NAA30: variants seen among roughly 807,000 people sequenced by gnomAD.
The protein encoded by NAA30 is N-alpha-acetyltransferase 30, NatC catalytic subunit.
In NAA30, 5 loss-of-function variants were observed where a neutral mutation model predicts 31.4. The ratio of observed to expected loss-of-function variants is 0.16; its 90% CI spans 0.08 to 0.33. The LOEUF (loss-of-function observed/expected upper bound fraction) is 0.33, where lower values mean the gene tolerates loss of function less well. Among genes scored for constraint, NAA30 ranks in the 10% least tolerant of loss-of-function variants. The pLI is 1.00. For missense variants in NAA30, 428 were observed against 490.8 expected (o/e 0.87, Z 1.21); for synonymous variants, 222 against 207.1 (o/e 1.07, Z -0.62).
intron 4 of NAA30, among the ~76,000 whole-genome samples, chr14:57,405,493 A>T (rs1171041913): frequency 6.6e-6 from 1 of 152,024 alleles, no homozygotes; most frequent in Non-Finnish European, 1.5e-5. Flanking sequence ...CTGCAAGGTA[A>T]AGAACAGAAT....
chr14:57,408,657 T>C (rs1423070002), intron 4 of NAA30, among the ~76,000 whole-genome samples: 1 of 152,206 alleles, frequency 6.6e-6, no homozygotes, highest in Non-Finnish European at 1.5e-5. Context: ...TTCAGGTGAT[T>C]ATGATACACT....
chr14:57,400,571 TGTACTA>T lies in NAA30; in HGVS notation c.951+694_951+699del, dbSNP rs557124598. ...AGTGGTGACTAAGGAGGAGCAAAGT[TGTACTA>T]GTACTTTTATGAGTAATAGAAGTAG... is the stretch of plus-strand genomic sequence containing the variant. On this transcript the variant is annotated intron_variant, in intron 4 of 4. Transcript: ENST00000556492. 3.1e-3 allele frequency among the ~76,000 whole-genome samples: 470 copies of T among 152,342 alleles called. 1 individual carries two copies. Among genetic ancestry groups the T allele is most frequent in the Non-Finnish European group, 5.1e-3 (350 of 68,028 alleles).
At position 57,412,262 on chromosome 14, in the gene NAA30, C is replaced by G. The variant is rs1383440604; in HGVS notation, c.*2746C>G. ...AAATCGATTTTAATATTTTCTGCCT[C>G]TTTCCCAAATTACCCTTCCCACTTG... On this transcript the variant is annotated 3_prime_UTR_variant, in exon 5 of 5. Transcript: ENST00000556492. 6.6e-6 allele frequency: 1 copy of G among 152,182 alleles called. No homozygotes were observed. Among genetic ancestry groups the G allele is most frequent in the Non-Finnish European group, 1.5e-5 (1 of 68,026 alleles). The allele number at this position is 152,182 out of a possible 1,614,324, so 9.4% of individuals were successfully genotyped here.
rs781011816 is a variant in NAA30 at position 57,411,108 on chromosome 14, T to G, written c.*1592T>G. 1.3e-5 allele frequency: 2 copies of G among 152,350 alleles called. No individual in the cohort carries two copies. The highest frequency in any genetic ancestry group is 2.9e-5 in the Non-Finnish European group (2 of 67,920). 9.4% of individuals were successfully genotyped at this position (152,350 alleles called of 1,614,324 possible). A position where few individuals can be genotyped will look rare whatever the true frequency, so the allele number is the denominator to read the frequency against. ...AGCTGCTCTTTGCTCAGTATAGTGTTTTGAAAGTGAACATAGTAACAAATA... is the reference window on the plus strand; with the variant it reads ...AGCTGCTCTTTGCTCAGTATAGTGTGTTGAAAGTGAACATAGTAACAAATA... On this transcript the variant is annotated 3_prime_UTR_variant, in exon 5 of 5. Coordinates refer to ENST00000556492, the MANE Select transcript of NAA30 (RefSeq NM_001011713.3).
At chr14:57,399,596 G>A (rs755635162) in intron 3 of NAA30, among the ~76,000 whole-genome samples, 16 of 152,188 alleles carry the variant, frequency 1.1e-4, no homozygotes, top group Non-Finnish European at 2.2e-4. Flanking sequence ...CTGAGAAAAA[G>A]GAGTATATTG....
chr14:57,391,579 G>C lies in NAA30; in HGVS notation c.622G>C (p.Gly208Arg), dbSNP rs751328249. The C allele has an allele frequency of 1.2e-6, 2 of 1,614,224 alleles. No individual in the cohort carries two copies. Among genetic ancestry groups the C allele is most frequent in the Non-Finnish European group, 1.7e-6 (2 of 1,180,044 alleles). ...RSPSGREVEP[G>R]EDRTIRYVRY... is the part of the protein sequence containing the mutation. ...CCCTTCGGGCAGGGAGGTTGAGCCTGGGGAGGATCGGACGATACGATATGT... is the reference window on the plus strand; with the variant it reads ...CCCTTCGGGCAGGGAGGTTGAGCCTCGGGAGGATCGGACGATACGATATGT... The change falls in exon 2 of 5, where the codon GGG becomes CGG. Residue 208 changes from glycine (G) to arginine (R), a missense_variant. Transcript: ENST00000556492. This position sits in a 1 kb window ranked among gnomAD's most constrained non-coding sequence, Gnocchi z 4.1.
In NAA30 at chr14:57,396,805, C is replaced by T. The variant is rs2066452743; in HGVS notation, c.825C>T (p.His275=). The change falls in exon 3 of 5, where the codon CAC becomes CAT. Residue 275 remains histidine, a synonymous_variant. Coordinates refer to ENST00000556492, the MANE Select transcript of NAA30 (RefSeq NM_001011713.3). ...VGAIVCKLDM[H]KKMFRRGYIA... ...CCATCGTTTGCAAGTTGGATATGCA[C>T]AAAAAGATGTTCCGCAGAGGTTATA... 9 of 1,613,738 alleles carry T rather than the reference C, an allele frequency of 5.6e-6. No homozygotes were observed. Among genetic ancestry groups the T allele is most frequent in the Non-Finnish European group, 6.8e-6 (8 of 1,179,848 alleles).
chr14:57,403,930 G>C (rs957156398), intron 4 of NAA30, among the ~76,000 whole-genome samples: 2 of 152,136 alleles, frequency 1.3e-5, no homozygotes, highest in Non-Finnish European at 2.9e-5. Flanking sequence ...ATGATGAATA[G>C]TGCCTCGATT....
At chr14:57,405,055 A>T (rs1470434644) in intron 4 of NAA30, among the ~76,000 whole-genome samples, 1 of 152,324 alleles carries the variant, frequency 6.6e-6, no homozygotes, top group African/African-American at 2.4e-5. Flanking sequence ...ACAATCTGCT[A>T]TTCAAACCCA....
At position 57,396,988 on chromosome 14, in the gene NAA30, G is replaced by GA. The variant is rs530581985; in HGVS notation, c.895+117dup. On this transcript the variant is annotated intron_variant, in intron 3 of 4. Coordinates refer to ENST00000556492, the MANE Select transcript of NAA30 (RefSeq NM_001011713.3). Reference sequence around the variant, plus strand: ...GTAGAAATGAAAGAAACTAAGGGAAGAAAATTAAGGCGGGTTTTAATTTTT... The same window carrying GA: ...GTAGAAATGAAAGAAACTAAGGGAAGAAAAATTAAGGCGGGTTTTAATTTTT... 1.7e-5 allele frequency: 17 copies of GA among 975,366 alleles called. No individual in the cohort carries two copies. The East Asian group carries it at 3.7e-4, about 21-fold the overall frequency. 60.4% of individuals were successfully genotyped at this position (975,366 alleles called of 1,614,324 possible). A position where few individuals can be genotyped will look rare whatever the true frequency, so the allele number is the denominator to read the frequency against.
chr14:57,406,884 A>T (rs2066500353), intron 4 of NAA30, among the ~76,000 whole-genome samples: 1 of 152,092 alleles, frequency 6.6e-6, no homozygotes, highest in Non-Finnish European at 1.5e-5. Flanking sequence ...CTGTGTGTGT[A>T]TGTGTGAGTA....
Position 57,410,539 on chromosome 14 carries a change from T to G in NAA30, c.*1023T>G, listed in dbSNP as rs144596253. The G allele has an allele frequency of 6.6e-6, 1 of 152,560 alleles. No homozygotes were observed. The highest frequency in any genetic ancestry group is 1.5e-5 in the Non-Finnish European group (1 of 68,012). The allele number at this position is 152,560 out of a possible 1,614,324, so 9.5% of individuals were successfully genotyped here. A position where few individuals can be genotyped will look rare whatever the true frequency, so the allele number is the denominator to read the frequency against. ...TTTTCCCACTTGATTTGGATTCACA[T>G]TGCTTTCATTTCTTAAAATGCTTCA... On this transcript the variant is annotated 3_prime_UTR_variant, in exon 5 of 5. Coordinates refer to ENST00000556492, the MANE Select transcript of NAA30 (RefSeq NM_001011713.3).
At chr14:57,404,879 A>G (rs1313799998) in intron 4 of NAA30, among the ~76,000 whole-genome samples, 1 of 152,170 alleles carries the variant, frequency 6.6e-6, no homozygotes, top group African/African-American at 2.4e-5. Context: ...AGTCCCTCCC[A>G]CAGCACATGG....
chr14:57,405,992 AT>A lies in NAA30; in HGVS notation c.952-3383del. ...GTTTCTTTAGGACCAAAATAACTTCATTTTATGGTGAATTTCTAATATAAAT... is the reference window on the plus strand; with the variant it reads ...GTTTCTTTAGGACCAAAATAACTTCATTTATGGTGAATTTCTAATATAAAT... On this transcript the variant is annotated intron_variant, in intron 4 of 4. Coordinates refer to ENST00000556492, the MANE Select transcript of NAA30 (RefSeq NM_001011713.3). 1.3e-5 allele frequency among the ~76,000 whole-genome samples: 2 copies of A among 152,238 alleles called. 1 individual carries two copies. Among genetic ancestry groups the A allele is most frequent in the Middle Eastern group, 6.8e-3 (2 of 294 alleles).
At position 57,409,629 on chromosome 14, in the gene NAA30, C is replaced by T. The variant is rs1019254018; in HGVS notation, c.*113C>T. On this transcript the variant is annotated 3_prime_UTR_variant, in exon 5 of 5. Transcript: ENST00000556492. ...TTTAGTAATTTCCATGCAGCTCTTA[C>T]CTGTCAGTGTCTCATTGAGTGTCGC... is the stretch of plus-strand genomic sequence containing the variant. 1 of 1,020,528 alleles carries T rather than the reference C, an allele frequency of 9.8e-7. No homozygotes were observed. The highest frequency in any genetic ancestry group is 2.8e-5 in the Admixed American group (1 of 36,326). 63.2% of individuals were successfully genotyped at this position (1,020,528 alleles called of 1,614,324 possible). A position where few individuals can be genotyped will look rare whatever the true frequency, so the allele number is the denominator to read the frequency against.
At chr14:57,399,943 TAATA>T (rs2066467542) in intron 4 of NAA30, 60 bp downstream of exon 4, 1 of 834,360 alleles carries the variant, frequency 1.2e-6, no homozygotes, top group Non-Finnish European at 2.0e-6. Flanking sequence ...TGGGTATTTT[TAATA>T]AATATTTTAT....
intron 4 of NAA30, among the ~76,000 whole-genome samples, chr14:57,404,515 A>G (rs1248413014): frequency 3.3e-5 from 5 of 152,226 alleles, no homozygotes; most frequent in Non-Finnish European, 1.5e-5. Context: ...AAAAACCGTA[A>G]TGAACATTAC....
intron 3 of NAA30, among the ~76,000 whole-genome samples, chr14:57,398,538 A>G (rs2066460614): frequency 6.6e-6 from 1 of 152,054 alleles, no homozygotes; most frequent in Non-Finnish European, 1.5e-5. Context: ...GCTCACTGCA[A>G]CCTCTAGCAC....
chr14:57,402,934 A>G (rs2066482912), intron 4 of NAA30, among the ~76,000 whole-genome samples: 1 of 152,214 alleles, frequency 6.6e-6, no homozygotes, highest in Non-Finnish European at 1.5e-5. Flanking sequence ...TAATCCCAGC[A>G]CTTTGGGAGT....
Sources: allele counts gnomAD v4.1 joint callset (sites outside exome capture counted in the v4.1 genomes callset), GRCh38; gene constraint gnomAD v4.1.1; non-coding constraint Gnocchi (gnomAD v3.1); transcripts MANE v1.5; gene names NCBI Gene and HGNC (gene_info 2026-07-23, HGNC 2026-07-21).